Variants in USP7 observed in about 807,000 individuals in gnomAD.
The protein encoded by USP7 is ubiquitin specific peptidase 7.
Under a neutral mutation model 162.9 loss-of-function variants are expected in USP7, and 9 were observed. The observed-to-expected ratio is 0.06, with a 90% CI of 0.03 to 0.10. The LOEUF is 0.10. Ranked by LOEUF, USP7 falls within the 10% of genes least tolerant of loss-of-function variation. The probability of loss-of-function intolerance (pLI) is 1.00; values close to 1 mark genes in which losing one functional copy is unlikely to be tolerated. For synonymous variants in USP7, 562 were observed against 475.9 expected (o/e 1.18, Z -2.35); for missense variants, 715 against 1,373.7 (o/e 0.52, Z 7.58).
At chr16:8,905,720 GTTA>G (rs2061849244) in intron 13 of USP7, among the ~76,000 whole-genome samples, 1 of 152,174 alleles carries the variant, frequency 6.6e-6, no homozygotes, top group Non-Finnish European at 1.5e-5. Context: ...TTATCCTTTA[GTTA>G]TCAAACTAAA....
Position 8,936,556 on chromosome 16 carries a change from G to A in USP7, c.80-6159C>T, listed in dbSNP as rs533651660. Reference sequence around the variant, plus strand: ...TTATCTCCATCCATCACCAGCATAAGGAGCTCAACCTGAAAACCTGACTCA... The same window carrying A: ...TTATCTCCATCCATCACCAGCATAAAGAGCTCAACCTGAAAACCTGACTCA... On this transcript the variant is annotated intron_variant, in intron 1 of 30. Coordinates refer to ENST00000344836, the MANE Select transcript of USP7 (RefSeq NM_003470.3). The A allele has an allele frequency of 1.2e-5, 18 of 1,520,438 alleles. No homozygotes were observed. The Admixed American group carries it at 3.6e-4, about 30-fold the overall frequency. The allele number at this position is 1,520,438 out of a possible 1,614,324, so 94.2% of individuals were successfully genotyped here. A position where few individuals can be genotyped will look rare whatever the true frequency, so the allele number is the denominator to read the frequency against.
chr16:8,913,185 G>C (rs1037037104), intron 10 of USP7, among the ~76,000 whole-genome samples: 18 of 152,206 alleles, frequency 1.2e-4, no homozygotes, highest in African/African-American at 3.6e-4. Context: ...GTGAAACCTC[G>C]TCTCTACTGA....
chr16:8,925,039 T>C (rs569330352), intron 2 of USP7, among the ~76,000 whole-genome samples: 1 of 152,292 alleles, frequency 6.6e-6, no homozygotes, highest in Non-Finnish European at 1.5e-5. Context: ...TAGAATGGCG[T>C]GGTGGAATAA....
chr16:8,956,823 G>T (rs975541004), intron 1 of USP7, among the ~76,000 whole-genome samples: 5 of 151,712 alleles, frequency 3.3e-5, no homozygotes, highest in Non-Finnish European at 5.9e-5. Flanking sequence ...ACAGGCACAG[G>T]ATAGTAAGAG....
At chr16:8,921,520 T>C (rs766936467) in intron 3 of USP7, among the ~76,000 whole-genome samples, 10 of 152,250 alleles carry the variant, frequency 6.6e-5, no homozygotes, top group Non-Finnish European at 4.4e-5. Context: ...CATGGTTTCA[T>C]TTTTTAATTC....
chr16:8,908,017 A>G (rs867076406), intron 12 of USP7, among the ~76,000 whole-genome samples: 7 of 152,316 alleles, frequency 4.6e-5, no homozygotes, highest in South Asian at 2.1e-4. Flanking sequence ...TCAAAATTAA[A>G]TTTATTAGAA....
intron 6 of USP7, among the ~76,000 whole-genome samples, chr16:8,917,464 C>T (rs547777895): frequency 2.5e-4 from 38 of 152,322 alleles, no homozygotes; most frequent in Non-Finnish European, 4.7e-4. Context: ...CTACAACCTC[C>T]GCCTCCTGGG....
chr16:8,951,602 T>A (rs1425721512), intron 1 of USP7, among the ~76,000 whole-genome samples: 1 of 152,214 alleles, frequency 6.6e-6, no homozygotes, highest in Non-Finnish European at 1.5e-5. Flanking sequence ...CCTGAGCGCA[T>A]GAGGCTATAC....
At chr16:8,955,150 C>A (rs987869249) in intron 1 of USP7, among the ~76,000 whole-genome samples, 1 of 152,164 alleles carries the variant, frequency 6.6e-6, no homozygotes, top group Non-Finnish European at 1.5e-5. Context: ...CTAAGAATAA[C>A]CGCTGAAATG....
chr16:8,917,184 T>C (rs747705679), intron 6 of USP7, 28 bp from the exon 7 acceptor site: 1 of 1,573,754 alleles, frequency 6.4e-7, no homozygotes, highest in South Asian at 1.2e-5. Context: ...TAAGAATTTT[T>C]ACTCTGAGAA....
chr16:8,900,823 A>T (rs2061762216), intron 20 of USP7, 167 bp downstream of exon 20: 2 of 284,840 alleles, frequency 7.0e-6, no homozygotes, highest in East Asian at 9.2e-5. Context: ...TACAACAGGT[A>T]AAAAAAAAAA....
intron 10 of USP7, 86 bp downstream of exon 10, chr16:8,915,167 TA>T: frequency 7.8e-7 from 1 of 1,275,940 alleles, no homozygotes; most frequent in Non-Finnish European, 1.1e-6. Flanking sequence ...TTAGACTATT[TA>T]AAAAAACATC....
chr16:8,925,496 C>T (rs1897938617), intron 2 of USP7, among the ~76,000 whole-genome samples: 1 of 152,172 alleles, frequency 6.6e-6, no homozygotes, highest in African/African-American at 2.4e-5. Flanking sequence ...AAAATCAATA[C>T]ATATTGTAAG....
At chr16:8,918,084 C>A (rs910414022) in intron 6 of USP7, among the ~76,000 whole-genome samples, 2 of 152,064 alleles carry the variant, frequency 1.3e-5, no homozygotes, top group African/African-American at 4.8e-5. Flanking sequence ...GCCACTGCGC[C>A]CAGCCATGGA....
rs1900115576 is a variant in USP7, at chr16:8,963,695, C to T, written c.-410G>A. ...CCGCGGAGTCAGCCCCGCCTCGGGC[C>T]GGGCGCGGCGGACGGGAGGCCTGGC... On this transcript the variant is annotated 5_prime_UTR_variant, in exon 1 of 31. Transcript: ENST00000344836. Among the ~76,000 whole-genome samples, 1 of 141,638 alleles carries T rather than the reference C, an allele frequency of 7.1e-6. No individual in the cohort carries two copies. Among genetic ancestry groups the T allele is most frequent in the Non-Finnish European group, 1.6e-5 (1 of 64,338 alleles). The allele number at this position is 141,638 out of a possible 152,430, so 92.9% of individuals were successfully genotyped here.
chr16:8,930,923 C>G (rs1420290936), intron 1 of USP7, among the ~76,000 whole-genome samples: 2 of 150,474 alleles, frequency 1.3e-5, no homozygotes, highest in African/African-American at 4.9e-5. Flanking sequence ...GAGCCAAGAT[C>G]ATGCCACTGC....
chr16:8,952,124 C>T (rs547883576), intron 1 of USP7, among the ~76,000 whole-genome samples: 1 of 152,232 alleles, frequency 6.6e-6, no homozygotes, highest in South Asian at 2.1e-4. Context: ...GTGTGGTGTG[C>T]CTGTAGTCCC....
intron 1 of USP7, 54 bp downstream of exon 1, chr16:8,963,153 G>C (rs1269347006): frequency 7.4e-7 from 1 of 1,357,110 alleles, no homozygotes; most frequent in South Asian, 1.4e-5. Context: ...CGGCTCCCCC[G>C]GCCACAATGA....
intron 2 of USP7, among the ~76,000 whole-genome samples, chr16:8,924,139 G>A (rs1596382973): frequency 6.6e-6 from 1 of 152,280 alleles, no homozygotes; most frequent in East Asian, 1.9e-4. Flanking sequence ...TCCAACTGAA[G>A]GTCTCCATTT....
Sources: allele counts gnomAD v4.1 joint callset (sites outside exome capture counted in the v4.1 genomes callset), GRCh38; gene constraint gnomAD v4.1.1; transcripts MANE v1.5; gene names NCBI Gene and HGNC (gene_info 2026-07-23, HGNC 2026-07-21).